NRG4: variants seen among roughly 807,000 people sequenced by gnomAD.
The protein encoded by NRG4 is neuregulin 4, also known as pro-neuregulin-4, membrane-bound isoform.
NRG4 carries 10 observed loss-of-function variants against 15.0 expected under a neutral mutation model. The observed-to-expected ratio is 0.67, with a 90% CI of 0.41 to 1.13. The LOEUF (loss-of-function observed/expected upper bound fraction) is 1.13, where lower values mean the gene tolerates loss of function less well. Among genes scored for constraint, NRG4 ranks in the 50% most tolerant of loss-of-function variants. The pLI is 0.00. For missense variants in NRG4, 139 were observed against 140.2 expected (o/e 0.99, Z 0.04); for synonymous variants, 41 against 50.1 (o/e 0.82, Z 0.77).
chr15:76,035,298 C>T (rs2141946551), intron 5 of NRG4, among the ~76,000 whole-genome samples: 1 of 152,314 alleles, frequency 6.6e-6, no homozygotes, highest in Admixed American at 6.5e-5. Context: ...TACCAGCCAC[C>T]TCTGTCCTCT....
intron 3 of NRG4, among the ~76,000 whole-genome samples, chr15:76,004,446 C>G (rs1278257719): frequency 6.6e-6 from 1 of 151,384 alleles, no homozygotes; most frequent in Non-Finnish European, 1.5e-5. Context: ...ACTAAAAATA[C>G]AAAATTAGCC....
intron 3 of NRG4, among the ~76,000 whole-genome samples, chr15:75,963,268 C>T (rs1249840068): frequency 6.6e-6 from 1 of 152,132 alleles, no homozygotes; most frequent in Non-Finnish European, 1.5e-5. Context: ...CTAGATTCTC[C>T]TAAACTACCA....
intron 5 of NRG4, among the ~76,000 whole-genome samples, chr15:76,019,180 C>T (rs1246833253): frequency 1.3e-5 from 2 of 152,160 alleles, no homozygotes; most frequent in Admixed American, 1.3e-4. Context: ...GCATCCCTCC[C>T]TCCACCAAGC....
rs139531032 is a variant in NRG4 at position 76,038,687 on chromosome 15, C to A, written c.-104-2696G>T. ...CCTGCCCAGGGCCTGCAGGAACTTG[C>A]CGCCCTGAAGGGAAGGACACAAGCC... On this transcript the variant is annotated intron_variant, in intron 4 of 8. Transcript: ENST00000563910. 2.3e-4 allele frequency among the ~76,000 whole-genome samples: 35 copies of A among 152,274 alleles called. 1 individual carries two copies. In the East Asian group the frequency reaches 6.4e-3, roughly 28 times the overall value.
chr15:76,009,289 G>A lies in NRG4; in HGVS notation c.15C>T (p.His5=), dbSNP rs767625215. The change falls in exon 3 of 6, where the codon CAC becomes CAT. Residue 5 remains histidine (H), a synonymous_variant. Transcript: ENST00000394907. ...TGTGACTGGGACCACAGGGCTCTTC[G>A]TGATCTAGAACACATACATATATAA... is the stretch of plus-strand genomic sequence containing the variant. MPTD[H]EEPCGPSHKS... is the part of the protein sequence containing the mutation. The A allele has an allele frequency of 3.2e-6, 5 of 1,559,002 alleles. No homozygotes were observed. Among genetic ancestry groups the A allele is most frequent in the Middle Eastern group, 3.4e-4 (2 of 5,902 alleles).
At chr15:76,051,665 G>A (rs1368176515) in intron 4 of NRG4, among the ~76,000 whole-genome samples, 5 of 149,222 alleles carry the variant, frequency 3.4e-5, no homozygotes, top group Non-Finnish European at 4.4e-5. Flanking sequence ...CGGGGTTCAT[G>A]CCATTCTCCT....
chr15:75,958,387 G>T (rs1223920653), intron 4 of NRG4, among the ~76,000 whole-genome samples: 1 of 152,086 alleles, frequency 6.6e-6, no homozygotes, highest in Non-Finnish European at 1.5e-5. Flanking sequence ...AATAAATACA[G>T]ATTTCTGAAT....
intron 3 of NRG4, 87 bp downstream of exon 3, chr15:76,009,113 T>A: frequency 1.3e-6 from 1 of 769,484 alleles, no homozygotes; most frequent in South Asian, 1.4e-5. Context: ...CATCTTACAC[T>A]TTTTGTTTAC....
chr15:75,988,319 G>C (rs1181230168), intron 3 of NRG4, among the ~76,000 whole-genome samples: 1 of 152,144 alleles, frequency 6.6e-6, no homozygotes, highest in African/African-American at 2.4e-5. Context: ...CCAAGTAGCT[G>C]GGACTACAGG....
intron 3 of NRG4, among the ~76,000 whole-genome samples, chr15:76,003,292 T>C (rs1220957197): frequency 6.6e-6 from 1 of 152,024 alleles, no homozygotes; most frequent in Non-Finnish European, 1.5e-5. Flanking sequence ...ACATCAAAAA[T>C]CGTGAGCTGC....
At chr15:76,024,455 C>G (rs1017016427) in intron 5 of NRG4, among the ~76,000 whole-genome samples, 1 of 152,236 alleles carries the variant, frequency 6.6e-6, no homozygotes. Context: ...GCCTGAGAAA[C>G]AGCCACCCGG....
chr15:75,998,387 G>T (rs1166534099), intron 3 of NRG4, among the ~76,000 whole-genome samples: 1 of 152,142 alleles, frequency 6.6e-6, no homozygotes, highest in Non-Finnish European at 1.5e-5. Context: ...AAGATTGATA[G>T]TGAAGACTAA....
chr15:76,059,237 T>C (rs1209056186), intron 1 of NRG4, among the ~76,000 whole-genome samples: 1 of 152,090 alleles, frequency 6.6e-6, no homozygotes, highest in Non-Finnish European at 1.5e-5. Flanking sequence ...GCTGAGGCCA[T>C]CAAATGAATG....
intron 5 of NRG4, among the ~76,000 whole-genome samples, chr15:76,023,162 AC>A (rs2035210058): frequency 1.3e-5 from 2 of 150,426 alleles, no homozygotes; most frequent in South Asian, 2.2e-4. Context: ...ACACACACAC[AC>A]ACACACACAC....
intron 4 of NRG4, among the ~76,000 whole-genome samples, chr15:76,048,816 G>A (rs1407800018): frequency 1.3e-5 from 2 of 150,660 alleles, no homozygotes; most frequent in Non-Finnish European, 2.9e-5. Flanking sequence ...AGGCCGAGGT[G>A]GATGGATCAC....
intron 2 of NRG4, among the ~76,000 whole-genome samples, chr15:76,054,629 GGT>G (rs2036110214): frequency 6.6e-6 from 1 of 152,044 alleles, no homozygotes; most frequent in Non-Finnish European, 1.5e-5. Context: ...TGGCCAGGCT[GGT>G]CTCAAACTCC....
rs1192482280 is a variant in NRG4 at position 75,967,671 on chromosome 15, AG to A, written c.105-5698del. Among the ~76,000 whole-genome samples, 6 of 152,042 alleles carry A rather than the reference AG, an allele frequency of 3.9e-5. No homozygotes were observed. The East Asian group carries it at 5.8e-4, about 15-fold the overall frequency. On this transcript the variant is annotated intron_variant, in intron 3 of 5. Coordinates refer to ENST00000394907, the MANE Select transcript of NRG4 (RefSeq NM_138573.4). ...GAGACGGGGTTTCACCATGTTGGCCAGGTGGGTCTCGAACTCCTGACCTCAA... is the reference window on the plus strand; with the variant it reads ...GAGACGGGGTTTCACCATGTTGGCCAGTGGGTCTCGAACTCCTGACCTCAA...
At position 76,012,364 on chromosome 15, in the gene NRG4, G is replaced by A. The variant is rs2034841378; in HGVS notation, c.-102C>T. ...TTGTTGGACATGCAGTGTTTCAAAA[G>A]TTTTTGAATACCGCAGACAACAGCA... On this transcript the variant is annotated 5_prime_UTR_variant, in exon 1 of 6. Coordinates refer to ENST00000394907, the MANE Select transcript of NRG4 (RefSeq NM_138573.4). 6.6e-6 allele frequency: 1 copy of A among 152,136 alleles called. No individual in the cohort carries two copies. The highest frequency in any genetic ancestry group is 1.5e-5 in the Non-Finnish European group (1 of 68,024). The allele number at this position is 152,136 out of a possible 1,614,324, so 9.4% of individuals were successfully genotyped here.
At chr15:76,037,837 C>T (rs2035629726) in intron 4 of NRG4, among the ~76,000 whole-genome samples, 1 of 152,088 alleles carries the variant, frequency 6.6e-6, no homozygotes, top group Non-Finnish European at 1.5e-5. Flanking sequence ...GCAAATACTC[C>T]CTTTCCGCTT....
Sources: gnomAD v4.1 joint callset for allele counts (sites outside exome capture counted in the v4.1 genomes callset) on GRCh38, gnomAD v4.1.1 for gene constraint, MANE v1.5 for transcripts, NCBI Gene and HGNC (gene_info 2026-07-23, HGNC 2026-07-21) for gene names.